Variants in SEC24C observed in about 807,000 individuals in gnomAD.
The protein encoded by SEC24C is protein transport protein Sec24C.
A neutral mutation model predicts 117.0 loss-of-function variants in SEC24C; 22 were observed. The observed-to-expected ratio is 0.19, with a 90% confidence interval of 0.13 to 0.27. The LOEUF (loss-of-function observed/expected upper bound fraction) is 0.27. Ranked by LOEUF, SEC24C falls within the 10% of genes least tolerant of loss-of-function variation. The pLI is 1.00. For missense variants in SEC24C, 1,155 were observed against 1,375.1 expected, an observed-to-expected ratio of 0.84 and a Z score of 2.53; for synonymous variants, 506 against 529.4, an observed-to-expected ratio of 0.96 and a Z score of 0.61.
chr10:73,763,074 T>C (rs2082821714), intron 6 of SEC24C, among the ~76,000 whole-genome samples: 1 of 152,230 alleles, frequency 6.6e-6, no homozygotes, highest in South Asian at 2.1e-4. Context: ...TCTGTTTTCC[T>C]GCTCTGACTC....
chr10:73,747,238 A>G (rs1306674105), intron 2 of SEC24C, among the ~76,000 whole-genome samples: 1 of 152,172 alleles, frequency 6.6e-6, no homozygotes, highest in Non-Finnish European at 1.5e-5. Flanking sequence ...GCTGGATTAC[A>G]GTGGCATGAT....
chr10:73,763,949 T>C lies in SEC24C; in HGVS notation c.1193T>C (p.Val398Ala). ...AKQAQVPLAAVIKPLARLPPE... is the reference protein window; with the variant it reads ...AKQAQVPLAAAIKPLARLPPE... ...CAGGCTCAGGTGCCCCTGGCAGCAG[T>C]CATCAAACCGCTGGCAAGGCTGCCC... The change falls in exon 8 of 23, where the codon GTC becomes GCC. Residue 398 changes from valine (V) to alanine (A), a missense_variant. Coordinates refer to ENST00000345254, the MANE Select transcript of SEC24C (RefSeq NM_198597.3). 6.2e-7 allele frequency: 1 copy of C among 1,605,846 alleles called. No homozygotes were observed. Among genetic ancestry groups the C allele is most frequent in the Non-Finnish European group, 8.5e-7 (1 of 1,175,230 alleles).
rs2082938182 is a variant in SEC24C, at chr10:73,769,392, A to G, written c.2470A>G (p.Ile824Val). Residue 824 changes from isoleucine (I) to valine (V), a missense_variant, in exon 18 of 23, where the codon ATC (isoleucine) becomes GTC (valine). This residue lies in a region of SEC24C where 759 missense variants were observed against 992.3 expected (regional missense o/e 0.76). Transcript: ENST00000345254. The surrounding 1 kb of genome is among the most constrained non-coding windows in gnomAD (Gnocchi z 4.5). ...CTGTGCAGGGCAGCGTCGGCTCCGC[A>G]TCCATAATCTGGCCCTGAACTGCTG... Reference protein sequence around the residue: ...TSCAGQRRLRIHNLALNCCTQ... With the variant: ...TSCAGQRRLRVHNLALNCCTQ... 6.2e-7 allele frequency: 1 copy of G among 1,614,084 alleles called. No individual in the cohort carries two copies. The highest frequency in any genetic ancestry group is 1.7e-5 in the Admixed American group (1 of 60,020).
chr10:73,746,597 G>A, intron 1 of SEC24C: 1 of 432,300 alleles, frequency 2.3e-6, no homozygotes, highest in Non-Finnish European at 4.1e-6. Context: ...GACAAAGGGT[G>A]GATGGTCAGA....
chr10:73,768,432 C>T (rs548812984), intron 15 of SEC24C, among the ~76,000 whole-genome samples: 4 of 152,212 alleles, frequency 2.6e-5, no homozygotes, highest in Admixed American at 6.5e-5. Flanking sequence ...AGAAGTGAGC[C>T]CGAGAATGTG....
At chr10:73,761,528 T>C (rs2082796216) in intron 6 of SEC24C, among the ~76,000 whole-genome samples, 1 of 152,204 alleles carries the variant, frequency 6.6e-6, no homozygotes. Flanking sequence ...CACTTTATAG[T>C]TCCACCTGTA....
intron 3 of SEC24C, among the ~76,000 whole-genome samples, chr10:73,758,185 A>G (rs1338862321): frequency 1.3e-5 from 2 of 152,070 alleles, no homozygotes; most frequent in African/African-American, 4.8e-5. Context: ...TGATGGGCCA[A>G]GATCGCACCA....
In SEC24C at chr10:73,763,667, C is replaced by A. The variant is rs774466249; in HGVS notation, c.1099+66C>A. The A allele has an allele frequency of 6.1e-3, 366 of 60,480 alleles. 3 individuals carry two copies. In the Middle Eastern group the frequency reaches 0.096, roughly 16 times the overall value. 3.7% of individuals were successfully genotyped at this position (60,480 alleles called of 1,614,324 possible). On this transcript the variant is annotated intron_variant, in intron 7 of 22. Coordinates refer to ENST00000345254, the MANE Select transcript of SEC24C (RefSeq NM_198597.3). The stretch of plus-strand genomic sequence containing the variant: ...CAAGATTATCAGCTTATGGTTGGGG[C>A]TTTTTTTTTTTTTTTTTTTTTTTTT...
intron 15 of SEC24C, 106 bp from the exon 16 acceptor site, chr10:73,768,704 T>C: frequency 1.1e-6 from 1 of 942,362 alleles, no homozygotes; most frequent in South Asian, 1.4e-5. Context: ...ACTGTTATGA[T>C]GATGATAATT....
At chr10:73,768,522 T>C (rs535954934) in intron 15 of SEC24C, among the ~76,000 whole-genome samples, 2 of 152,370 alleles carry the variant, frequency 1.3e-5, no homozygotes, top group Non-Finnish European at 2.9e-5. Context: ...TGACCTAGGA[T>C]AAATTTCTTA....
In SEC24C at chr10:73,751,221, A is replaced by G; in HGVS notation, c.286A>G (p.Ser96Gly). 6.2e-7 allele frequency: 1 copy of G among 1,614,154 alleles called. No homozygotes were observed. The highest frequency in any genetic ancestry group is 1.1e-5 in the South Asian group (1 of 91,078). Reference protein sequence around the residue: ...FGQGDVQNGPSSTVQMQRLPG... With the variant: ...FGQGDVQNGPGSTVQMQRLPG... ...CCAAGGAGATGTACAGAATGGGCCAAGCTCCACTGTTCAGATGCAAAGGTA... is the reference window on the plus strand; with the variant it reads ...CCAAGGAGATGTACAGAATGGGCCAGGCTCCACTGTTCAGATGCAAAGGTA... The change falls in exon 3 of 23, where the codon AGC (serine) becomes GGC (glycine). Residue 96 changes from serine (S) to glycine (G), a missense_variant. By Grantham distance (56) the Ser-to-Gly change is moderately conservative (BLOSUM62 0). Transcript: ENST00000345254.
intron 14 of SEC24C, 98 bp from the exon 15 acceptor site, chr10:73,767,738 TC>T: frequency 1.1e-6 from 1 of 916,570 alleles, no homozygotes; most frequent in Non-Finnish European, 1.6e-6. Flanking sequence ...TCTGAAGTCT[TC>T]CATGAATTTG....
rs765857377 is a variant in SEC24C, at chr10:73,770,307, G to C, written c.2890G>C (p.Glu964Gln). The C allele has an allele frequency of 1.9e-6, 3 of 1,612,624 alleles. No individual in the cohort carries two copies. Among genetic ancestry groups the C allele is most frequent in the Non-Finnish European group, 2.5e-6 (3 of 1,179,280 alleles). The change falls in exon 21 of 23, where the codon GAA becomes CAA. Residue 964 changes from glutamate (E) to glutamine (Q), a missense_variant. Glu to Gln is a conservative substitution (Grantham distance 29). This residue lies in a region of SEC24C where 759 missense variants were observed against 992.3 expected (regional missense o/e 0.76). Coordinates refer to ENST00000345254, the MANE Select transcript of SEC24C (RefSeq NM_198597.3). ...AAAGTCTCCCGTTGAGAGTACTACC[G>C]AACCACCAGCAGTTCGAGCCTCTGA... is the stretch of plus-strand genomic sequence containing the variant. ...LTKSPVESTT[E>Q]PPAVRASEER...
chr10:73,756,381 C>T (rs1279289038), intron 3 of SEC24C, among the ~76,000 whole-genome samples: 4 of 151,992 alleles, frequency 2.6e-5, no homozygotes, highest in Non-Finnish European at 5.9e-5. Context: ...AAAAAGTCTG[C>T]ACGCTGGAAA....
intron 2 of SEC24C, among the ~76,000 whole-genome samples, chr10:73,747,949 A>T (rs1404523668): frequency 6.6e-6 from 1 of 151,628 alleles, no homozygotes; most frequent in African/African-American, 2.4e-5. Context: ...GTGAGCCACC[A>T]CACCTGGCCA....
intron 3 of SEC24C, among the ~76,000 whole-genome samples, chr10:73,756,317 G>A (rs1178543046): frequency 6.6e-6 from 1 of 152,114 alleles, no homozygotes; most frequent in East Asian, 1.9e-4. Flanking sequence ...CTGAGACATT[G>A]TTTATAAAGT....
At chr10:73,770,236 T>G (rs376904171) in intron 20 of SEC24C, 44 bp from the exon 21 acceptor site, 2 of 1,546,686 alleles carry the variant, frequency 1.3e-6, no homozygotes, top group African/African-American at 2.8e-5. Context: ...GGCAGACTTG[T>G]CTTATGGTCC....
intron 1 of SEC24C, among the ~76,000 whole-genome samples, chr10:73,746,032 C>T (rs891541201): frequency 2.6e-5 from 4 of 151,718 alleles, no homozygotes; most frequent in South Asian, 2.1e-4. Flanking sequence ...TGGTGGCACG[C>T]GCCTGTAATC....
At chr10:73,746,170 A>AAC (rs2082548693) in intron 1 of SEC24C, among the ~76,000 whole-genome samples, 1 of 149,890 alleles carries the variant, frequency 6.7e-6, no homozygotes, top group African/African-American at 2.4e-5. Context: ...AAAAAAAAAA[A>AAC]AAAAAAAAAA....
Sources: allele counts gnomAD v4.1 joint callset (sites outside exome capture counted in the v4.1 genomes callset), GRCh38; gene constraint gnomAD v4.1.1; regional missense constraint gnomAD v4.1.1; non-coding constraint Gnocchi (gnomAD v3.1); transcripts MANE v1.5; gene names NCBI Gene and HGNC (gene_info 2026-07-23, HGNC 2026-07-21).